ARAF: variants seen among roughly 807,000 people sequenced by gnomAD.
ARAF encodes serine/threonine-protein kinase A-Raf.
Under a neutral mutation model 48.0 loss-of-function variants are expected in ARAF, and 18 were observed. The observed-to-expected ratio is 0.37, with a 90% CI of 0.26 to 0.56. ARAF has a LOEUF of 0.56. ARAF is among the 20% of genes least tolerant of loss of function. The pLI, the probability that ARAF is intolerant of heterozygous loss-of-function variation, is 0.77. For synonymous variants in ARAF, 207 were observed against 220.1 expected (o/e 0.94, Z 0.53); for missense variants, 389 against 543.1 (o/e 0.72, Z 2.82).
rs780796257 is a variant in ARAF, at chrX:47,567,101, G to C, written c.843G>C (p.Arg281=). 7 of 1,211,852 alleles carry C rather than the reference G, an allele frequency of 5.8e-6. No individual in the cohort carries two copies. In the South Asian group the frequency reaches 1.2e-4, roughly 21 times the overall value. ...AGTCACCAGCAGAGCAGCGCGAGCG[G>C]AAGTCCTTGGCCGATGACAAGAAGA... The part of the protein sequence containing the change: ...HSKSPAEQRE[R]KSLADDKKKV... Residue 281 remains arginine (R), a synonymous_variant, in exon 9 of 16, where the codon CGG becomes CGC. Transcript: ENST00000377045.
chrX:47,562,804 C>T, intron 1 of ARAF, 105 bp from the exon 2 acceptor site: 1 of 439,100 alleles, frequency 2.3e-6, no homozygotes, highest in African/African-American at 2.4e-5. Flanking sequence ...AATTAGGCTG[C>T]AGGGGGCGAC....
Position 47,566,938 on chromosome X carries a change from C to G in ARAF, c.727+27C>G, listed in dbSNP as rs376771155. ...TGAGTCCCCTGTGCCTGCACCCTGA[C>G]CCCCGCTGCCCCACTTACCTCCACT... is the stretch of plus-strand genomic sequence containing the variant. On this transcript the variant is annotated intron_variant, in intron 8 of 15. Transcript: ENST00000377045. The G allele has an allele frequency of 3.1e-5, 38 of 1,209,574 alleles. No homozygotes were observed. In the African/African-American group the frequency reaches 6.0e-4, roughly 19 times the overall value.
rs2147906087 is a variant in ARAF, at chrX:47,566,892, C to T, written c.708C>T (p.Gly236=). The change falls in exon 8 of 16, where the codon GGC becomes GGT. Residue 236 remains glycine (G), a synonymous_variant. Coordinates refer to ENST00000377045, the MANE Select transcript of ARAF (RefSeq NM_001654.5). ...TGTCCCTCTTCTTCTAGCTCACTGG[C>T]CAGAGTTTCAGCACTGATGGTGAGT... ...PMDSNLIQLT[G]QSFSTDAAGS... 8.3e-7 allele frequency: 1 copy of T among 1,211,716 alleles called. No homozygotes were observed. The highest frequency in any genetic ancestry group is 1.1e-6 in the Non-Finnish European group (1 of 895,530).
At position 47,565,308 on chromosome X, in the gene ARAF, C is replaced by T. The variant is rs371247311; in HGVS notation, c.515C>T (p.Ser172Leu). 23 of 1,210,010 alleles carry T rather than the reference C, an allele frequency of 1.9e-5. No homozygotes were observed. The highest frequency in any genetic ancestry group is 2.3e-5 in the Non-Finnish European group (21 of 895,164). Residue 172 changes from serine to leucine, a missense_variant, in exon 6 of 16, where the codon TCG becomes TTG. Around this residue, in one of 4 missense-constraint regions of ARAF, gnomAD observed 154 missense variants for 133.6 expected, o/e 1.15. Transcript: ENST00000377045. ...GGCTCCAGACAGCATGAGGCTCCCT[C>T]GAACCGCCCCCTGAATGAGTTGCTA... ...SGGSRQHEAP[S>L]NRPLNELLTP... is the part of the protein sequence containing the mutation.
chrX:47,569,126 G>A, intron 12 of ARAF, 93 bp downstream of exon 12: 6 of 1,066,691 alleles, frequency 5.6e-6, no homozygotes, highest in Non-Finnish European at 6.4e-6. Flanking sequence ...CAAGGGAGGG[G>A]CATGTGTCCC....
chrX:47,571,056 G>T, intron 15 of ARAF, 44 bp downstream of exon 15: 1 of 1,187,524 alleles, frequency 8.4e-7, no homozygotes, highest in South Asian at 1.9e-5. Context: ...GGTGACTCTG[G>T]GATAGAGGAA....
In ARAF at chrX:47,567,224, C is replaced by T; in HGVS notation, c.874-6C>T. 1 of 1,211,522 alleles carries T rather than the reference C, an allele frequency of 8.3e-7. No individual in the cohort carries two copies. The highest frequency in any genetic ancestry group is 1.1e-6 in the Non-Finnish European group (1 of 895,363). ...GCCTCTTAGATGCCACCCATCTGGC[C>T]CACAGAAGAACCTGGGGTACCGGGA... On this transcript the variant is annotated splice_region_variant and splice_polypyrimidine_tract_variant and intron_variant, in intron 9 of 15. Transcript: ENST00000377045.
Position 47,567,442 on chromosome X carries a change from C to G in ARAF, c.1076+10C>G, listed in dbSNP as rs1396993127. The G allele has an allele frequency of 8.4e-7, 1 of 1,195,058 alleles. No individual in the cohort carries two copies. On this transcript the variant is annotated intron_variant, in intron 10 of 15. Transcript: ENST00000377045. ...AGATGCAGGTGCTCAGGTGAGGTGG[C>G]ATGTGTGCGTGGATGGGGGTGGCAG...
Position 47,563,010 on chromosome X carries a change from TC to T in ARAF, c.46del (p.Arg16GlyfsTer18). 1 of 1,197,114 alleles carries T rather than the reference TC, an allele frequency of 8.4e-7. No homozygotes were observed. The highest frequency in any genetic ancestry group is 1.1e-6 in the Non-Finnish European group (1 of 888,258). On this transcript the variant is annotated frameshift_variant, in exon 2 of 16. Coordinates refer to ENST00000377045, the MANE Select transcript of ARAF (RefSeq NM_001654.5). LOFTEE classifies it high-confidence loss of function. ...CCCCCCTGCCAATGGGGCCGAGCCATCCCGGGCAGTGGGCACCGTCAAAGTA... is the reference window on the plus strand; with the variant it reads ...CCCCCCTGCCAATGGGGCCGAGCCATCCGGGCAGTGGGCACCGTCAAAGTA... ...RGPPANGAEPSRAVGTVKVYL... is the reference protein window; with the variant it reads ...RGPPANGAEPXRAVGTVKVYL...
In ARAF at chrX:47,571,670, G is replaced by C; in HGVS notation, c.*213G>C. 2.0e-6 allele frequency: 1 copy of C among 500,179 alleles called. No homozygotes were observed. The highest frequency in any genetic ancestry group is 3.8e-5 in the South Asian group (1 of 26,393). The allele number at this position is 500,179 out of a possible 1,213,427, so 41.2% of individuals were successfully genotyped here. A position where few individuals can be genotyped will look rare whatever the true frequency, so the allele number is the denominator to read the frequency against. ...GAGCCCCCTGTCTCCTCCATCATTTGGTTTCCTCTTGGCTTTGGGGATACT... is the reference window on the plus strand; with the variant it reads ...GAGCCCCCTGTCTCCTCCATCATTTCGTTTCCTCTTGGCTTTGGGGATACT... On this transcript the variant is annotated 3_prime_UTR_variant, in exon 16 of 16. Coordinates refer to ENST00000377045, the MANE Select transcript of ARAF (RefSeq NM_001654.5).
chrX:47,569,136 C>T, intron 12 of ARAF, 103 bp downstream of exon 12: 1 of 1,027,377 alleles, frequency 9.7e-7, no homozygotes, highest in South Asian at 2.1e-5. Flanking sequence ...GCATGTGTCC[C>T]AGAGCTCCTT....
chrX:47,570,217 A>C, intron 14 of ARAF, 193 bp downstream of exon 14: 1 of 461,693 alleles, frequency 2.2e-6, no homozygotes, highest in Middle Eastern at 4.3e-4. Flanking sequence ...CCCTACCCCA[A>C]CTTCCCTCTT....
intron 1 of ARAF, among the ~76,000 whole-genome samples, chrX:47,562,686 G>T (rs1189642775): frequency 1.8e-5 from 2 of 110,235 alleles, no homozygotes; most frequent in Admixed American, 9.7e-5. Context: ...GTGCAGTGAA[G>T]CTGAGACCTT....
In ARAF at chrX:47,564,997, T is replaced by A. The variant is rs2057726370; in HGVS notation, c.316T>A (p.Phe106Ile). ...TCTGTGGCATCAGGTACGGAAGACC[T>A]TCTTCAGCCTGGCGTTCTGTGACTT... ...LTMHNFVRKT[F>I]FSLAFCDFCL... is the part of the protein sequence containing the mutation. Residue 106 changes from phenylalanine (F) to isoleucine (I), a missense_variant, in exon 5 of 16, where the codon TTC becomes ATC. Around this residue, in one of 4 missense-constraint regions of ARAF, gnomAD observed 18 missense variants for 61.1 expected, o/e 0.29. Transcript: ENST00000377045. The A allele has an allele frequency of 8.3e-7, 1 of 1,210,387 alleles. No homozygotes were observed. Among genetic ancestry groups the A allele is most frequent in the African/African-American group, 1.7e-5 (1 of 57,273 alleles).
Position 47,567,144 on chromosome X carries a change from G to A in ARAF, c.873+13G>A, listed in dbSNP as rs1222163634. On this transcript the variant is annotated intron_variant, in intron 9 of 15. Coordinates refer to ENST00000377045, the MANE Select transcript of ARAF (RefSeq NM_001654.5). ...CAAGAAGAAAGTGGTATGCTCGAGG[G>A]GGATCCTTTTGGGGCCACCAAGGCT... 1.7e-6 allele frequency: 2 copies of A among 1,210,112 alleles called. No individual in the cohort carries two copies. The highest frequency in any genetic ancestry group is 1.8e-5 in the South Asian group (1 of 56,915).
chrX:47,567,066 C>G lies in ARAF; in HGVS notation c.808C>G (p.Pro270Ala), dbSNP rs923151586. Residue 270 changes from proline to alanine, a missense_variant, in exon 9 of 16, where the codon CCA (proline) becomes GCA (alanine). Coordinates refer to ENST00000377045, the MANE Select transcript of ARAF (RefSeq NM_001654.5). ...PASVSSGRKS[P>A]HSKSPAEQRE... is the part of the protein sequence containing the mutation. ...CAGCGTGTCCTCGGGGAGGAAGTCCCCACATTCCAAGTCACCAGCAGAGCA... is the reference window on the plus strand; with the variant it reads ...CAGCGTGTCCTCGGGGAGGAAGTCCGCACATTCCAAGTCACCAGCAGAGCA... The G allele has an allele frequency of 1.7e-6, 2 of 1,210,447 alleles. No individual in the cohort carries two copies. Among genetic ancestry groups the G allele is most frequent in the African/African-American group, 3.5e-5 (2 of 57,261 alleles).
Position 47,563,316 on chromosome X carries a change from C to T in ARAF, c.187C>T (p.Arg63Ter). 1.7e-6 allele frequency: 2 copies of T among 1,208,970 alleles called. No homozygotes were observed. The highest frequency in any genetic ancestry group is 2.2e-6 in the Non-Finnish European group (2 of 893,918). Reference sequence around the variant, plus strand: ...AAATCAGGACTGCTGTGTGGTCTACCGACTCATCAAGGGGTGAGTGTGGCA... The same window carrying T: ...AAATCAGGACTGCTGTGTGGTCTACTGACTCATCAAGGGGTGAGTGTGGCA... The part of the protein sequence containing the change: ...GLNQDCCVVY[R>*]LIKGRKTVTA... The change falls in exon 3 of 16, where the codon CGA (arginine) becomes TGA (stop). Residue 63 changes from arginine (R) to a stop codon, truncating the protein, a stop_gained. Coordinates refer to ENST00000377045, the MANE Select transcript of ARAF (RefSeq NM_001654.5). LOFTEE classifies it high-confidence loss of function.
intron 14 of ARAF, among the ~76,000 whole-genome samples, chrX:47,570,654 G>A (rs1315565847): frequency 9.0e-6 from 1 of 110,828 alleles, no homozygotes; most frequent in African/African-American, 3.3e-5. Flanking sequence ...AATCCTCTGA[G>A]CCCCAGATAC....
intron 12 of ARAF, 75 bp downstream of exon 12, chrX:47,569,108 G>T (rs1485302693): frequency 9.0e-7 from 1 of 1,111,716 alleles, no homozygotes; most frequent in East Asian, 3.3e-5. Context: ...TGGGGGTTCT[G>T]GGAATTACAA....
Sources: gnomAD v4.1 joint callset for allele counts (sites outside exome capture counted in the v4.1 genomes callset) on GRCh38, gnomAD v4.1.1 for gene constraint, gnomAD v4.1.1 regional missense constraint, MANE v1.5 for transcripts, NCBI Gene and HGNC (gene_info 2026-07-23, HGNC 2026-07-21) for gene names.